The following PDGFD variants were observed in gnomAD, a reference collection of about 807,000 sequenced individuals.
PDGFD encodes the protein platelet derived growth factor D.
A neutral mutation model predicts 44.7 loss-of-function variants in PDGFD; 30 were observed. The ratio of observed to expected loss-of-function variants is 0.67; its 90% CI spans 0.50 to 0.91. PDGFD has a LOEUF of 0.91. PDGFD is among the 40% of genes least tolerant of loss of function. PDGFD has a pLI of 0.00. For missense variants in PDGFD, 445 were observed against 457.8 expected (o/e 0.97, Z 0.25); for synonymous variants, 173 against 168.4 (o/e 1.03, Z -0.21).
intron 1 of PDGFD, among the ~76,000 whole-genome samples, chr11:104,144,890 G>GA: frequency 6.6e-6 from 1 of 152,258 alleles, no homozygotes; most frequent in Non-Finnish European, 1.5e-5. Flanking sequence ...AAAATTTAGT[G>GA]AAATCACTGT....
intron 1 of PDGFD, among the ~76,000 whole-genome samples, chr11:104,048,139 T>A (rs1043422074): frequency 6.6e-6 from 1 of 152,124 alleles, no homozygotes; most frequent in Admixed American, 6.5e-5. Context: ...GACTGCATTT[T>A]ATTAACTTTT....
At chr11:104,122,247 G>A (rs1861787815) in intron 1 of PDGFD, among the ~76,000 whole-genome samples, 1 of 151,992 alleles carries the variant, frequency 6.6e-6, no homozygotes, top group Admixed American at 6.6e-5. Context: ...CTAACATGAA[G>A]GCTCCATTTT....
At chr11:104,100,732 C>T (rs1214563678) in intron 1 of PDGFD, among the ~76,000 whole-genome samples, 1 of 152,144 alleles carries the variant, frequency 6.6e-6, no homozygotes, top group African/African-American at 2.4e-5. Flanking sequence ...TCCAGCAGCA[C>T]AACAAAAAGC....
rs1468448123 is a variant in PDGFD at position 103,996,115 on chromosome 11, C to T, written c.460G>A (p.Asp154Asn). ...CCAGGTTTAGCCACAAAGTAGTCATCGGACTTGAATGTGATTTTAATTTGG... is the reference window on the plus strand; with the variant it reads ...CCAGGTTTAGCCACAAAGTAGTCATTGGACTTGAATGTGATTTTAATTTGG... ...TNQIKITFKS[D>N]DYFVAKPGFK... is the part of the protein sequence containing the mutation. Residue 154 changes from aspartate (D) to asparagine (N), a missense_variant, in exon 3 of 7, where the codon GAT becomes AAT. Transcript: ENST00000393158. The T allele has an allele frequency of 1.9e-6, 3 of 1,613,608 alleles. No homozygotes were observed. Among genetic ancestry groups the T allele is most frequent in the East Asian group, 4.5e-5 (2 of 44,782 alleles).
chr11:104,060,616 C>T (rs762163592), intron 1 of PDGFD, among the ~76,000 whole-genome samples: 15 of 152,128 alleles, frequency 9.9e-5, no homozygotes, highest in Admixed American at 5.2e-4. Flanking sequence ...CCTGTGTATA[C>T]TTCTGTTTGT....
Position 103,985,211 on chromosome 11 carries a change from A to G in PDGFD, c.510+10854T>C, listed in dbSNP as rs191300300. The stretch of plus-strand genomic sequence containing the variant: ...ATATAATATATATTAATACACACAC[A>G]TATTTTTTGAGACAAGGTCTTGCCT... On this transcript the variant is annotated intron_variant, in intron 3 of 6. Coordinates refer to ENST00000393158, the MANE Select transcript of PDGFD (RefSeq NM_025208.5). Among the ~76,000 whole-genome samples, 123 of 120,560 alleles carry G rather than the reference A, an allele frequency of 1.0e-3. 3 individuals are homozygous for G. Among genetic ancestry groups the G allele is most frequent in the African/African-American group, 3.2e-3 (105 of 32,318 alleles). The allele number at this position is 120,560 out of a possible 152,430, so 79.1% of individuals were successfully genotyped here. A position where few individuals can be genotyped will look rare whatever the true frequency, so the allele number is the denominator to read the frequency against.
intron 6 of PDGFD, among the ~76,000 whole-genome samples, chr11:103,922,759 T>TA (rs1858245286): frequency 6.6e-6 from 1 of 152,010 alleles, no homozygotes; most frequent in East Asian, 1.9e-4. Flanking sequence ...ATTTTTTTTT[T>TA]AGAGATGGGG....
chr11:103,975,586 T>C (rs1021149594), intron 3 of PDGFD, among the ~76,000 whole-genome samples: 1 of 152,206 alleles, frequency 6.6e-6, no homozygotes, highest in Non-Finnish European at 1.5e-5. Flanking sequence ...TCCTGAATGG[T>C]ATTGCCTAGG....
intron 1 of PDGFD, among the ~76,000 whole-genome samples, chr11:104,047,845 T>C (rs1160606167): frequency 6.6e-6 from 1 of 152,130 alleles, no homozygotes; most frequent in Non-Finnish European, 1.5e-5. Flanking sequence ...TTCAGCATCC[T>C]TTAGTCGAGC....
At chr11:103,916,111 A>G (rs1357795520) in intron 6 of PDGFD, among the ~76,000 whole-genome samples, 1 of 152,180 alleles carries the variant, frequency 6.6e-6, no homozygotes, top group Non-Finnish European at 1.5e-5. Context: ...TAAACTATAG[A>G]GCTTCTGCAC....
At chr11:104,073,258 C>T (rs1565327109) in intron 1 of PDGFD, among the ~76,000 whole-genome samples, 1 of 152,024 alleles carries the variant, frequency 6.6e-6, no homozygotes, top group African/African-American at 2.4e-5. Context: ...AATGCAAGTG[C>T]CTGTAAATGG....
intron 3 of PDGFD, among the ~76,000 whole-genome samples, chr11:103,982,059 A>G (rs1200189260): frequency 2.6e-5 from 4 of 151,558 alleles, no homozygotes; most frequent in Non-Finnish European, 4.4e-5. Flanking sequence ...GACCCTTACA[A>G]TTCCCCTCCA....
chr11:103,929,096 G>A (rs1345695031), intron 5 of PDGFD, among the ~76,000 whole-genome samples: 9 of 152,196 alleles, frequency 5.9e-5, no homozygotes, highest in South Asian at 2.1e-4. Flanking sequence ...CTCTGCTTTC[G>A]TTCAGCCCTC....
intron 1 of PDGFD, among the ~76,000 whole-genome samples, chr11:104,054,219 G>A (rs111394164): frequency 3.9e-5 from 6 of 152,300 alleles, no homozygotes; most frequent in African/African-American, 1.4e-4. Context: ...CCACATTGCT[G>A]GGAAATAAAG....
At chr11:103,947,974 A>T (rs1046154995) in intron 3 of PDGFD, among the ~76,000 whole-genome samples, 1 of 152,160 alleles carries the variant, frequency 6.6e-6, no homozygotes, top group Admixed American at 6.5e-5. Context: ...TGCAAATTTT[A>T]ACTTGGCCAT....
chr11:104,128,564 T>C (rs1429799916), intron 1 of PDGFD, among the ~76,000 whole-genome samples: 1 of 152,156 alleles, frequency 6.6e-6, no homozygotes, highest in Non-Finnish European at 1.5e-5. Context: ...TGCTTTCCTT[T>C]GCAAGTCTGT....
chr11:103,955,710 C>A (rs1157392197), intron 3 of PDGFD, among the ~76,000 whole-genome samples: 1 of 152,092 alleles, frequency 6.6e-6, no homozygotes, highest in Non-Finnish European at 1.5e-5. Context: ...GAGAATTTGC[C>A]TGTGAAATTT....
At chr11:104,025,161 T>C (rs1860023663) in intron 1 of PDGFD, among the ~76,000 whole-genome samples, 1 of 152,238 alleles carries the variant, frequency 6.6e-6, no homozygotes, top group African/African-American at 2.4e-5. Flanking sequence ...CATATTGTAA[T>C]TACCAACTGC....
chr11:104,117,606 C>A lies in PDGFD; in HGVS notation c.124+46198G>T, dbSNP rs145960979. Among the ~76,000 whole-genome samples, 1,009 of 151,914 alleles carry A rather than the reference C, an allele frequency of 6.6e-3. 7 individuals are homozygous for A. The highest frequency in any genetic ancestry group is 0.021 in the African/African-American group (875 of 41,420). ...ACCAAAAAGCGACCAAGCAGAGAAC[C>A]AAATCAAGAACTCAACCCCTTTTAA... On this transcript the variant is annotated intron_variant, in intron 1 of 6. Transcript: ENST00000393158.
Sources: allele counts gnomAD v4.1 joint callset (sites outside exome capture counted in the v4.1 genomes callset), GRCh38; gene constraint gnomAD v4.1.1; transcripts MANE v1.5; gene names NCBI Gene and HGNC (gene_info 2026-07-23, HGNC 2026-07-21).